VASP: variants seen among roughly 807,000 people sequenced by gnomAD.
VASP encodes the protein vasodilator stimulated phosphoprotein, also known as vasodilator-stimulated phosphoprotein.
VASP carries 27 observed loss-of-function variants against 54.4 expected under a neutral mutation model. The ratio of observed to expected loss-of-function variants is 0.50; its 90% CI spans 0.37 to 0.68. The LOEUF (loss-of-function observed/expected upper bound fraction) is 0.68, where lower values mean the gene tolerates loss of function less well. VASP is among the 30% of genes least tolerant of loss of function. The pLI is 0.00. For missense variants in VASP, 488 were observed against 528.3 expected, an observed-to-expected ratio of 0.92 and a Z score of 0.75; for synonymous variants, 233 against 209.8, an observed-to-expected ratio of 1.11 and a Z score of -0.96.
chr19:45,512,172 G>GT (rs1455151399), intron 1 of VASP, among the ~76,000 whole-genome samples: 3 of 152,060 alleles, frequency 2.0e-5, no homozygotes, highest in Non-Finnish European at 4.4e-5. Context: ...CAAAATATTT[G>GT]TTTCTTCCCT....
At chr19:45,525,045 C>T (rs1199690230) in intron 11 of VASP, 1 of 206,044 alleles carries the variant, frequency 4.9e-6, no homozygotes, top group African/African-American at 2.3e-5. Context: ...CACTCTGCGA[C>T]CTTGACAGCG....
At chr19:45,516,698 T>C (rs1968708020) in intron 1 of VASP, among the ~76,000 whole-genome samples, 1 of 152,136 alleles carries the variant, frequency 6.6e-6, no homozygotes, top group African/African-American at 2.4e-5. Flanking sequence ...TTATTTTTCA[T>C]TAAAAAAGTT....
In VASP at chr19:45,514,136, G is replaced by C. The variant is rs563017497; in HGVS notation, c.6-3527G>C. Among the ~76,000 whole-genome samples the C allele has an allele frequency of 2.6e-5, 4 of 152,302 alleles. No homozygotes were observed. The South Asian group carries it at 8.3e-4, about 32-fold the overall frequency. ...CTAAGGAGAGACCTGAAAGTGGGGA[G>C]AGGCTAGGCCTGAGGAAGAAGCAGC... On this transcript the variant is annotated intron_variant, in intron 1 of 12. Transcript: ENST00000245932.
intron 1 of VASP, among the ~76,000 whole-genome samples, chr19:45,515,286 T>A (rs1478470518): frequency 6.6e-6 from 1 of 151,784 alleles, no homozygotes; most frequent in African/African-American, 2.4e-5. Context: ...GGAAAAAGCC[T>A]GGTGTGGGTG....
In VASP at chr19:45,524,669, G is replaced by T. The variant is rs376686489; in HGVS notation, c.1047+9G>T. 33 of 1,613,204 alleles carry T rather than the reference G, an allele frequency of 2.0e-5. No homozygotes were observed. The highest frequency in any genetic ancestry group is 1.3e-4 in the African/African-American group (10 of 74,824). ...TACAGAGGGTGAAACAGGTAACTTG[G>T]GGGGGAAGTTGGGGACCACAGCAAG... On this transcript the variant is annotated intron_variant, in intron 11 of 12. Coordinates refer to ENST00000245932, the MANE Select transcript of VASP (RefSeq NM_003370.4).
chr19:45,522,030 T>C (rs1478292867), intron 4 of VASP, 138 bp from the exon 5 acceptor site: 4 of 1,118,106 alleles, frequency 3.6e-6, no homozygotes, highest in Non-Finnish European at 3.8e-6. Context: ...CTTGGTTCCC[T>C]AGGGGAGGAA....
In VASP at chr19:45,512,131, TGA is replaced by T. The variant is rs201719035; in HGVS notation, c.5+4360_5+4361del. The stretch of plus-strand genomic sequence containing the variant: ...CACCACTGCCAGCCTGGGTGCAGAG[TGA>T]GAGACTCTGTCTCAAAAGATAAATG... On this transcript the variant is annotated intron_variant, in intron 1 of 12. Coordinates refer to ENST00000245932, the MANE Select transcript of VASP (RefSeq NM_003370.4). Among the ~76,000 whole-genome samples the T allele has an allele frequency of 4.2e-3, 630 of 150,620 alleles. 5 individuals carry two copies. Among genetic ancestry groups the T allele is most frequent in the African/African-American group, 0.014 (592 of 40,892 alleles).
chr19:45,517,088 G>A (rs184004419), intron 1 of VASP, among the ~76,000 whole-genome samples: 30 of 150,800 alleles, frequency 2.0e-4, no homozygotes, highest in Non-Finnish European at 3.5e-4. Flanking sequence ...AGCTCAGGAG[G>A]TCGAGGCCAC....
chr19:45,507,602 G>T lies in VASP; in HGVS notation c.-170G>T, dbSNP rs1217429316. ...CCGCCTGAGGGAAGCGGCGCCCGGAGACCCGCCCCGGCCCGGTCCACATTC... is the reference window on the plus strand; with the variant it reads ...CCGCCTGAGGGAAGCGGCGCCCGGATACCCGCCCCGGCCCGGTCCACATTC... On this transcript the variant is annotated 5_prime_UTR_variant, in exon 1 of 13. Coordinates refer to ENST00000245932, the MANE Select transcript of VASP (RefSeq NM_003370.4). The surrounding 1 kb of genome is among the most constrained non-coding windows in gnomAD (Gnocchi z 4.4). The T allele has an allele frequency of 7.9e-6, 6 of 763,878 alleles. No homozygotes were observed. Among genetic ancestry groups the T allele is most frequent in the Non-Finnish European group, 1.2e-5 (6 of 508,458 alleles). The allele number at this position is 763,878 out of a possible 1,614,324, so 47.3% of individuals were successfully genotyped here.
At chr19:45,518,432 C>T (rs373724903) in intron 3 of VASP, among the ~76,000 whole-genome samples, 2 of 151,898 alleles carry the variant, frequency 1.3e-5, no homozygotes, top group African/African-American at 2.4e-5. Flanking sequence ...CGTGGTGGTG[C>T]GCGCCTGTAA....
At chr19:45,525,069 G>C (rs919826562) in intron 11 of VASP, 1 of 192,160 alleles carries the variant, frequency 5.2e-6, no homozygotes, top group Non-Finnish European at 1.1e-5. Context: ...TCATGGTGTC[G>C]ATGTAGGGGT....
At chr19:45,509,061 TGGG>T (rs948483465) in intron 1 of VASP, among the ~76,000 whole-genome samples, 1 of 152,204 alleles carries the variant, frequency 6.6e-6, no homozygotes, top group African/African-American at 2.4e-5. Flanking sequence ...TGGGGACGGT[TGGG>T]GATTAACCCC....
In VASP at chr19:45,522,726, G is replaced by C. The variant is rs765093845; in HGVS notation, c.729G>C (p.Glu243Asp). ...CTTTTAAATTTCTCCAGCAGGAGGA[G>C]GCCTCAGGGGGGCCCACAGCCCCCA... Reference protein sequence around the residue: ...AKLRKVSKQEEASGGPTAPKA... With the variant: ...AKLRKVSKQEDASGGPTAPKA... Residue 243 changes from glutamate to aspartate, a missense_variant, in exon 7 of 13, where the codon GAG (glutamate) becomes GAC (aspartate). This residue lies in a region of VASP where 226 missense variants were observed against 196.0 expected (regional missense o/e 1.15). Transcript: ENST00000245932. 1 of 1,602,696 alleles carries C rather than the reference G, an allele frequency of 6.2e-7. No homozygotes were observed. The highest frequency in any genetic ancestry group is 8.5e-7 in the Non-Finnish European group (1 of 1,177,230).
Position 45,507,645 on chromosome 19 carries a change from T to C in VASP, c.-127T>C. 3.2e-6 allele frequency: 4 copies of C among 1,258,984 alleles called. No homozygotes were observed. The Middle Eastern group carries it at 1.1e-3, about 341-fold the overall frequency. 78.0% of individuals were successfully genotyped at this position (1,258,984 alleles called of 1,614,324 possible). ...CCACATTCTCCCCAGGAAGCCGGAC[T>C]CTATGGGGCGGGACCCTGGGGGAGC... On this transcript the variant is annotated 5_prime_UTR_variant, in exon 1 of 13. Transcript: ENST00000245932. This position sits in a 1 kb window ranked among gnomAD's most constrained non-coding sequence, Gnocchi z 4.4.
At position 45,523,837 on chromosome 19, in the gene VASP, C is replaced by G. The variant is rs374336105; in HGVS notation, c.874-4C>G. On this transcript the variant is annotated splice_region_variant and splice_polypyrimidine_tract_variant and intron_variant, in intron 8 of 12. Transcript: ENST00000245932. ...TGGCTCATGGCAGTTTTATTTCCTA[C>G]CAGCAGGAGGAGCCAGAGGCCAGAG... is the stretch of plus-strand genomic sequence containing the variant. 1.2e-6 allele frequency: 2 copies of G among 1,613,870 alleles called. No homozygotes were observed. Among genetic ancestry groups the G allele is most frequent in the African/African-American group, 2.7e-5 (2 of 74,860 alleles).
At chr19:45,518,209 G>T in intron 3 of VASP, 115 bp downstream of exon 3, 1 of 1,389,462 alleles carries the variant, frequency 7.2e-7, no homozygotes, top group Non-Finnish European at 9.6e-7. Flanking sequence ...CGAATTCATT[G>T]TTATCATGGA....
intron 11 of VASP, among the ~76,000 whole-genome samples, chr19:45,525,547 A>G (rs189578968): frequency 6.6e-6 from 1 of 152,224 alleles, no homozygotes; most frequent in East Asian, 1.9e-4. Flanking sequence ...AAAAATACAA[A>G]AATTAGCTGG....
In VASP at chr19:45,526,368, CT is replaced by C; in HGVS notation, c.*192del. On this transcript the variant is annotated 3_prime_UTR_variant, in exon 13 of 13. Transcript: ENST00000245932. ...CACACCCACACTGGCTGCTGATTGG[CT>C]GGGGAGGCCCCCGCCCTTTTCTCCC... 3.1e-6 allele frequency: 2 copies of C among 644,640 alleles called. No individual in the cohort carries two copies. The highest frequency in any genetic ancestry group is 5.0e-6 in the Non-Finnish European group (2 of 403,888). 39.9% of individuals were successfully genotyped at this position (644,640 alleles called of 1,614,324 possible).
chr19:45,508,498 C>G (rs2239377), intron 1 of VASP, among the ~76,000 whole-genome samples: 69,233 of 152,036 alleles, frequency 0.46, 16,610 homozygotes, highest in African/African-American at 0.61. Flanking sequence ...TCCCCGCCTC[C>G]GGCCATAAGG....
Sources: allele counts gnomAD v4.1 joint callset (sites outside exome capture counted in the v4.1 genomes callset), GRCh38; gene constraint gnomAD v4.1.1; regional missense constraint gnomAD v4.1.1; non-coding constraint Gnocchi (gnomAD v3.1); transcripts MANE v1.5; gene names NCBI Gene and HGNC (gene_info 2026-07-23, HGNC 2026-07-21).